ALDOA: variants seen among roughly 807,000 people sequenced by gnomAD.
ALDOA encodes aldolase, fructose-bisphosphate A.
ALDOA carries 26 observed loss-of-function variants against 43.9 expected under a neutral mutation model. The observed-to-expected ratio is 0.59, with a 90% confidence interval of 0.43 to 0.82. The LOEUF (loss-of-function observed/expected upper bound fraction) is 0.82. Among genes scored for constraint, ALDOA ranks in the 40% least tolerant of loss-of-function variants. The pLI is 0.00. For missense variants in ALDOA, 498 were observed against 549.5 expected, an observed-to-expected ratio of 0.91 and a Z score of 0.94; for synonymous variants, 258 against 222.6, an observed-to-expected ratio of 1.16 and a Z score of -1.42.
upstream of ALDOA, chr16:30,064,315 C>T (rs1258292443): frequency 1.3e-5 from 5 of 396,206 alleles, no homozygotes; most frequent in Non-Finnish European, 2.2e-5. Context: ...ATCAGAACAG[C>T]CACCATCACC....
intron 4 of ALDOA, 110 bp downstream of exon 4, chr16:30,067,771 G>A: frequency 1.5e-6 from 2 of 1,300,050 alleles, no homozygotes; most frequent in South Asian, 1.2e-5. Flanking sequence ...GACTTGCATG[G>A]AGCCTGCTTC....
intron 8 of ALDOA, 50 bp downstream of exon 8, chr16:30,069,723 A>T (rs376977302): frequency 1.9e-6 from 3 of 1,611,912 alleles, no homozygotes; most frequent in Non-Finnish European, 2.5e-6. Context: ...AGCTCCACCC[A>T]CAACCCTATG....
At chr16:30,064,658 G>C, upstream of ALDOA, 1 of 393,448 alleles carries the variant, frequency 2.5e-6, no homozygotes, top group East Asian at 3.6e-5. Context: ...CGGGAAAAGG[G>C]CAGGGGTCAT....
At chr16:30,067,714 A>G in intron 4 of ALDOA, 53 bp downstream of exon 4, 2 of 1,605,680 alleles carry the variant, frequency 1.2e-6, no homozygotes, top group African/African-American at 1.3e-5. Context: ...GAGGAAGGAA[A>G]TCCAGGTTAG....
Position 30,069,664 on chromosome 16 carries a change from G to T in ALDOA, c.952G>T (p.Ala318Ser), listed in dbSNP as rs781198918. The change falls in exon 8 of 10, where the codon GCT becomes TCT. Residue 318 changes from alanine to serine, a missense_variant. Ala to Ser is a moderately conservative substitution (Grantham distance 99, BLOSUM62 1). Coordinates refer to ENST00000642816, the MANE Select transcript of ALDOA (RefSeq NM_001243177.4). ...VTALRRTVPP[A>S]VTGITFLSGG... ...AGCGCTGCGCCGCACAGTGCCCCCC[G>T]CTGTCACTGGTGAGGCCCACACTCA... 1 of 1,613,420 alleles carries T rather than the reference G, an allele frequency of 6.2e-7. No homozygotes were observed. The highest frequency in any genetic ancestry group is 8.5e-7 in the Non-Finnish European group (1 of 1,179,988).
rs746301013 is a variant in ALDOA at position 30,067,589 on chromosome 16, C to G, written c.414C>G (p.Leu138=). Residue 138 remains leucine, a synonymous_variant, in exon 4 of 10, where the codon CTC becomes CTG. Transcript: ENST00000642816. ...IGGVILFHET[L]YQKADDGRPF... Reference sequence around the variant, plus strand: ...GTGTCATCCTCTTCCATGAGACACTCTACCAGAAGGCGGATGATGGGCGTC... The same window carrying G: ...GTGTCATCCTCTTCCATGAGACACTGTACCAGAAGGCGGATGATGGGCGTC... 7 of 1,614,154 alleles carry G rather than the reference C, an allele frequency of 4.3e-6. No homozygotes were observed. The South Asian group carries it at 7.7e-5, about 18-fold the overall frequency.
chr16:30,069,048 A>C, intron 6 of ALDOA, 70 bp downstream of exon 6: 1 of 1,603,668 alleles, frequency 6.2e-7, no homozygotes, highest in Admixed American at 1.7e-5. Context: ...TTTGCCTATT[A>C]CCTGCCATGA....
Position 30,069,914 on chromosome 16 carries a change from C to T in ALDOA, c.1046C>T (p.Pro349Leu), listed in dbSNP as rs2072262627. ...ATTAACAAGTGCCCCCTGCTGAAGC[C>T]CTGGGCCCTGACCTTCTCCTACGGC... ...NAINKCPLLKPWALTFSYGRA... is the reference protein window; with the variant it reads ...NAINKCPLLKLWALTFSYGRA... Residue 349 changes from proline (P) to leucine (L), a missense_variant, in exon 9 of 10, where the codon CCC (proline) becomes CTC (leucine). Pro to Leu is a moderately conservative substitution (Grantham distance 98, BLOSUM62 -3). Transcript: ENST00000642816. The T allele has an allele frequency of 4.3e-6, 7 of 1,614,032 alleles. No individual in the cohort carries two copies. The highest frequency in any genetic ancestry group is 4.0e-5 in the African/African-American group (3 of 74,938).
intron 4 of ALDOA, chr16:30,067,975 C>T (rs1019424332): frequency 1.4e-5 from 6 of 433,990 alleles, no homozygotes; most frequent in African/African-American, 1.2e-4. Context: ...TGTATCCTGT[C>T]TCAGAGGATT....
chr16:30,066,089 C>CT (rs1567321371), intron 1 of ALDOA, 162 bp downstream of exon 1: 1 of 152,748 alleles, frequency 6.5e-6, no homozygotes, highest in African/African-American at 2.4e-5. Context: ...CTGAGGTCCT[C>CT]TAACTGCGCA....
intron 1 of ALDOA, among the ~76,000 whole-genome samples, chr16:30,066,398 T>C (rs978543010): frequency 2.6e-5 from 4 of 152,230 alleles, no homozygotes; most frequent in Admixed American, 6.5e-5. Flanking sequence ...TCGGGCGACC[T>C]TGATTCTGAG....
chr16:30,067,574 C>T lies in ALDOA; in HGVS notation c.399C>T (p.Leu133=), dbSNP rs1382472070. The change falls in exon 4 of 10, where the codon CTC becomes CTT. Residue 133 remains leucine (L), a synonymous_variant. Coordinates refer to ENST00000642816, the MANE Select transcript of ALDOA (RefSeq NM_001243177.4). ...ACCCCTGCATTGGGGGTGTCATCCT[C>T]TTCCATGAGACACTCTACCAGAAGG... ...RVNPCIGGVI[L]FHETLYQKAD... The T allele has an allele frequency of 2.5e-6, 4 of 1,613,962 alleles. No individual in the cohort carries two copies. The highest frequency in any genetic ancestry group is 2.7e-5 in the African/African-American group (2 of 74,902).
intron 4 of ALDOA, 25 bp from the exon 5 acceptor site, chr16:30,068,621 A>C: frequency 6.2e-7 from 1 of 1,613,638 alleles, no homozygotes; most frequent in Admixed American, 1.7e-5. Context: ...CCTGTGTCTT[A>C]ATGTTGTTAC....
chr16:30,066,977 T>C lies in ALDOA; in HGVS notation c.80T>C (p.Val27Ala), dbSNP rs760860128. Residue 27 changes from valine (V) to alanine (A), a missense_variant, in exon 2 of 10, where the codon GTT becomes GCT. Val to Ala is a moderately conservative substitution (Grantham distance 64). Transcript: ENST00000642816. ...GCTATGGCCTTTTCCTTTCCCCCAG[T>C]TGCCAGTGGGCAACTCCACCCTCAG... is the stretch of plus-strand genomic sequence containing the variant. ...SMAMAFSFPP[V>A]ASGQLHPQLG... The C allele has an allele frequency of 6.4e-7, 1 of 1,555,948 alleles. No individual in the cohort carries two copies.
chr16:30,069,215 C>G (rs1174608648), intron 6 of ALDOA, 91 bp from the exon 7 acceptor site: 18 of 1,479,888 alleles, frequency 1.2e-5, no homozygotes, highest in Non-Finnish European at 1.6e-5. Flanking sequence ...CTGGCATCAT[C>G]AAGATACGGT....
chr16:30,069,942 AGCCCTGCAGGCCTCT>A lies in ALDOA; in HGVS notation c.1081_1095del (p.Gln361_Leu365del). 6.2e-7 allele frequency: 1 copy of A among 1,613,952 alleles called. No homozygotes were observed. Among genetic ancestry groups the A allele is most frequent in the Non-Finnish European group, 8.5e-7 (1 of 1,180,024 alleles). Reference sequence around the variant, plus strand: ...GGGCCCTGACCTTCTCCTACGGCCGAGCCCTGCAGGCCTCTGCCCTGAAGGCCTGGGGCGGGAAGA... The same window carrying A: ...GGGCCCTGACCTTCTCCTACGGCCGAGCCCTGAAGGCCTGGGGCGGGAAGA... On this transcript the variant is annotated inframe_deletion, in exon 9 of 10. Transcript: ENST00000642816.
In ALDOA at chr16:30,069,295, T is replaced by C; in HGVS notation, c.703-11T>C. 1 of 1,614,134 alleles carries C rather than the reference T, an allele frequency of 6.2e-7. No homozygotes were observed. Among genetic ancestry groups the C allele is most frequent in the Non-Finnish European group, 8.5e-7 (1 of 1,180,006 alleles). On this transcript the variant is annotated splice_polypyrimidine_tract_variant and intron_variant, in intron 6 of 9. Transcript: ENST00000642816. ...GGAGGCCTCACAGTGACCCTGTCCC[T>C]CGCCCTGCAGAATGGCATTGTGCCC...
At position 30,068,386 on chromosome 16, in the gene ALDOA, GTAAC is replaced by G; in HGVS notation, c.487-256_487-253del. On this transcript the variant is annotated intron_variant, in intron 4 of 9. Coordinates refer to ENST00000642816, the MANE Select transcript of ALDOA (RefSeq NM_001243177.4). ...GCTTAAGTAACTAAATATTTTAATT[GTAAC>G]TAAGTGAAAATATTTGCCAGCCCTG... 4 of 521,242 alleles carry G rather than the reference GTAAC, an allele frequency of 7.7e-6. No homozygotes were observed. In the South Asian group the frequency reaches 7.9e-5, roughly 10 times the overall value. The allele number at this position is 521,242 out of a possible 1,614,324, so 32.3% of individuals were successfully genotyped here.
At position 30,070,317 on chromosome 16, in the gene ALDOA, T is replaced by G. The variant is rs1343437573; in HGVS notation, c.*105T>G. 2.8e-6 allele frequency: 3 copies of G among 1,076,420 alleles called. No homozygotes were observed. The highest frequency in any genetic ancestry group is 3.7e-5 in the Admixed American group (2 of 54,526). The allele number at this position is 1,076,420 out of a possible 1,614,324, so 66.7% of individuals were successfully genotyped here. On this transcript the variant is annotated 3_prime_UTR_variant, in exon 10 of 10. Transcript: ENST00000642816. ...GCTCCAGGCTGGCTTGCCCGCGCTC[T>G]TTCTTCCCTCGTGACAGTGGTGTGT...
Sources: allele counts gnomAD v4.1 joint callset (sites outside exome capture counted in the v4.1 genomes callset), GRCh38; gene constraint gnomAD v4.1.1; transcripts MANE v1.5; gene names NCBI Gene and HGNC (gene_info 2026-07-23, HGNC 2026-07-21).